The following KCNQ5 variants were observed in gnomAD, a reference collection of about 807,000 sequenced individuals.
KCNQ5 encodes potassium voltage-gated channel subfamily KQT member 5.
Under a neutral mutation model 98.2 loss-of-function variants are expected in KCNQ5, and 30 were observed. The ratio of observed to expected loss-of-function variants is 0.31; its 90% CI spans 0.23 to 0.41. The LOEUF (loss-of-function observed/expected upper bound fraction) is 0.41, where lower values mean the gene tolerates loss of function less well. Ranked by LOEUF, KCNQ5 falls within the 10% of genes least tolerant of loss-of-function variation. KCNQ5 has a pLI of 1.00. For missense variants in KCNQ5, 835 were observed against 1,182.5 expected, an observed-to-expected ratio of 0.71 and a Z score of 4.31; for synonymous variants, 458 against 449.4, an observed-to-expected ratio of 1.02 and a Z score of -0.24.
chr6:73,073,242 C>A (rs1773373538), intron 3 of KCNQ5, among the ~76,000 whole-genome samples: 2 of 152,118 alleles, frequency 1.3e-5, no homozygotes, highest in South Asian at 4.1e-4. Context: ...GTGACTTGAC[C>A]ACTATGAGCC....
intron 1 of KCNQ5, among the ~76,000 whole-genome samples, chr6:72,943,426 T>C (rs1216529323): frequency 1.3e-5 from 2 of 152,218 alleles, no homozygotes; most frequent in Non-Finnish European, 2.9e-5. Flanking sequence ...TCTAGTGCAT[T>C]GGCTCTTAAA....
At position 73,195,320 on chromosome 6, in the gene KCNQ5, C is replaced by T; in HGVS notation, c.2705C>T (p.Ser902Phe). 1 of 1,614,196 alleles carries T rather than the reference C, an allele frequency of 6.2e-7. No homozygotes were observed. Among genetic ancestry groups the T allele is most frequent in the East Asian group, 2.2e-5 (1 of 44,882 alleles). Reference sequence around the variant, plus strand: ...AGGGAAGCTGCCTTTGCATCAGACTCTCTAAGGACTGGAAGGTCACGATCA... The same window carrying T: ...AGGGAAGCTGCCTTTGCATCAGACTTTCTAAGGACTGGAAGGTCACGATCA... ...PAREAAFASDSLRTGRSRSSQ... is the reference protein window; with the variant it reads ...PAREAAFASDFLRTGRSRSSQ... Residue 902 changes from serine to phenylalanine, a missense_variant, in exon 14 of 14, where the codon TCT becomes TTT. Around this residue, in one of 10 missense-constraint regions of KCNQ5, gnomAD observed 416 missense variants for 446.9 expected, o/e 0.93. Transcript: ENST00000370398.
chr6:72,638,457 A>AT (rs2098925423), intron 1 of KCNQ5, among the ~76,000 whole-genome samples: 1 of 152,174 alleles, frequency 6.6e-6, no homozygotes, highest in Non-Finnish European at 1.5e-5. Flanking sequence ...ATAAAAATAC[A>AT]TTTATAGATG....
At chr6:72,967,989 C>CT (rs1207329067) in intron 1 of KCNQ5, among the ~76,000 whole-genome samples, 3 of 152,222 alleles carry the variant, frequency 2.0e-5, no homozygotes, top group Non-Finnish European at 2.9e-5. Context: ...TTGACCCTCA[C>CT]TGTCTCTTCC....
intron 11 of KCNQ5, among the ~76,000 whole-genome samples, chr6:73,188,883 T>A (rs1468306754): frequency 6.7e-6 from 1 of 149,068 alleles, no homozygotes; most frequent in Non-Finnish European, 1.5e-5. Flanking sequence ...CTCGGGAGGC[T>A]GAGGCAGGAG....
At chr6:73,132,712 A>C (rs1216406979) in intron 9 of KCNQ5, among the ~76,000 whole-genome samples, 1 of 152,242 alleles carries the variant, frequency 6.6e-6, no homozygotes, top group Non-Finnish European at 1.5e-5. Flanking sequence ...CAGCAAATCA[A>C]TAACCTGTTT....
chr6:72,987,318 G>A (rs1768830439), intron 1 of KCNQ5: 7 of 703,742 alleles, frequency 9.9e-6, no homozygotes, highest in African/African-American at 1.7e-5. Flanking sequence ...CAACATGGAC[G>A]AGGCGCACAT....
At chr6:73,127,543 G>A (rs1776040798) in intron 9 of KCNQ5, among the ~76,000 whole-genome samples, 1 of 152,228 alleles carries the variant, frequency 6.6e-6, no homozygotes, top group South Asian at 2.1e-4. Context: ...TGACTGTAGA[G>A]TGGGTCATAC....
chr6:73,034,877 G>A (rs1208827195), intron 2 of KCNQ5, among the ~76,000 whole-genome samples: 1 of 125,476 alleles, frequency 8.0e-6, no homozygotes, highest in Non-Finnish European at 1.6e-5. Context: ...ACAGTATCTC[G>A]CTCTGTTGCC....
intron 1 of KCNQ5, among the ~76,000 whole-genome samples, chr6:72,884,621 CTTT>C (rs11284300): frequency 1.2e-4 from 18 of 149,184 alleles, no homozygotes; most frequent in South Asian, 4.3e-4. Flanking sequence ...GAATAAAATA[CTTT>C]TTTTTTTTTT....
chr6:73,129,349 C>T (rs1264990177), intron 9 of KCNQ5, among the ~76,000 whole-genome samples: 1 of 152,114 alleles, frequency 6.6e-6, no homozygotes, highest in Non-Finnish European at 1.5e-5. Context: ...TTACCTATAT[C>T]AACTATAAAT....
chr6:73,175,284 G>A (rs1210578541), intron 11 of KCNQ5, among the ~76,000 whole-genome samples: 1 of 152,038 alleles, frequency 6.6e-6, no homozygotes, highest in Admixed American at 6.5e-5. Flanking sequence ...CTGAGTAGCT[G>A]GGATTACAGA....
At position 72,831,865 on chromosome 6, in the gene KCNQ5, G is replaced by T. The variant is rs368188864; in HGVS notation, c.399-172043G>T. On this transcript the variant is annotated intron_variant, in intron 1 of 13. Coordinates refer to ENST00000370398, the MANE Select transcript of KCNQ5 (RefSeq NM_019842.4). ...AGTGGGGCTTTAGTGAGGTGTGTGGGCCTGATTTCAGGGAGTATGTAAAGG... is the reference window on the plus strand; with the variant it reads ...AGTGGGGCTTTAGTGAGGTGTGTGGTCCTGATTTCAGGGAGTATGTAAAGG... 2.6e-5 allele frequency among the ~76,000 whole-genome samples: 4 copies of T among 152,150 alleles called. No homozygotes were observed. In the East Asian group the frequency reaches 7.7e-4, roughly 29 times the overall value.
intron 1 of KCNQ5, among the ~76,000 whole-genome samples, chr6:72,919,162 C>A (rs1195262893): frequency 6.6e-6 from 1 of 152,098 alleles, no homozygotes; most frequent in Non-Finnish European, 1.5e-5. Context: ...GACGAGGTGG[C>A]CTTGCATCAA....
intron 1 of KCNQ5, among the ~76,000 whole-genome samples, chr6:72,725,802 A>T (rs987461366): frequency 6.6e-6 from 1 of 152,214 alleles, no homozygotes; most frequent in African/African-American, 2.4e-5. Context: ...TATAATTATT[A>T]CTTGTCAATT....
intron 5 of KCNQ5, among the ~76,000 whole-genome samples, chr6:73,092,892 C>T (rs548572977): frequency 1.3e-5 from 2 of 152,070 alleles, no homozygotes; most frequent in South Asian, 4.2e-4. Flanking sequence ...TATGTCCTTT[C>T]CTGGTTTTGG....
intron 1 of KCNQ5, among the ~76,000 whole-genome samples, chr6:72,937,956 T>C (rs891856539): frequency 6.6e-6 from 1 of 152,180 alleles, no homozygotes; most frequent in African/African-American, 2.4e-5. Flanking sequence ...AACTTACAAT[T>C]GGGAAATGTG....
chr6:72,843,049 T>G (rs1776868278), intron 1 of KCNQ5, among the ~76,000 whole-genome samples: 1 of 152,188 alleles, frequency 6.6e-6, no homozygotes, highest in Non-Finnish European at 1.5e-5. Flanking sequence ...AGTCATGAAG[T>G]CTTTGCCCAT....
At chr6:72,755,626 C>A (rs1167763696) in intron 1 of KCNQ5, among the ~76,000 whole-genome samples, 1 of 152,094 alleles carries the variant, frequency 6.6e-6, no homozygotes, top group East Asian at 1.9e-4. Flanking sequence ...GCACATATTC[C>A]ATTTACTCCT....
Sources: allele counts gnomAD v4.1 joint callset (sites outside exome capture counted in the v4.1 genomes callset), GRCh38; gene constraint gnomAD v4.1.1; regional missense constraint gnomAD v4.1.1; transcripts MANE v1.5; gene names NCBI Gene and HGNC (gene_info 2026-07-23, HGNC 2026-07-21).